MRPL19: variants seen among roughly 807,000 people sequenced by gnomAD.
MRPL19 encodes large ribosomal subunit protein bL19m.
A neutral mutation model predicts 34.0 loss-of-function variants in MRPL19; 31 were observed. That is an observed-to-expected ratio of 0.91 (90% confidence interval 0.68 to 1.23). MRPL19 has a LOEUF of 1.23. Ranked by LOEUF, MRPL19 falls within the 50% of genes most tolerant of loss-of-function variation. The pLI is 0.00. For synonymous variants in MRPL19, 152 were observed against 127.7 expected (o/e 1.19, Z -1.28); for missense variants, 384 against 367.6 (o/e 1.04, Z -0.37).
chr2:75,650,794 A>C (rs558613240), intron 2 of MRPL19, among the ~76,000 whole-genome samples: 1 of 152,214 alleles, frequency 6.6e-6, no homozygotes, highest in Non-Finnish European at 1.5e-5. Flanking sequence ...GAAGAGCACT[A>C]TGAAGCCTCA....
intron 2 of MRPL19, chr2:75,651,614 A>G (rs76236718): frequency 0.014 from 5,506 of 381,264 alleles, 101 homozygotes; most frequent in South Asian, 0.028. Flanking sequence ...CTTCAGCACC[A>G]TCTCCAGGGC....
At position 75,659,968 on chromosome 2, in the gene MRPL19, T is replaced by C. The variant is rs1339794906; in HGVS notation, c.*4683T>C. On this transcript the variant is annotated 3_prime_UTR_variant, in exon 6 of 6. Coordinates refer to ENST00000393909, the MANE Select transcript of MRPL19 (RefSeq NM_014763.4). ...TCTTCAATTTTTTTCACTGCTTCTT[T>C]CTTTTCCTTCTGAAATATTCTTAAT... 6.6e-6 allele frequency among the ~76,000 whole-genome samples: 1 copy of C among 152,178 alleles called. No homozygotes were observed. Among genetic ancestry groups the C allele is most frequent in the Non-Finnish European group, 1.5e-5 (1 of 68,010 alleles).
rs1232846503 is a variant in MRPL19 at position 75,662,192 on chromosome 2, A to C, written c.*6907A>C. On this transcript the variant is annotated 3_prime_UTR_variant, in exon 6 of 6. Coordinates refer to ENST00000393909, the MANE Select transcript of MRPL19 (RefSeq NM_014763.4). ...ACCTTACTTTCCAGGAATAAACCCT[A>C]TTATCTTTTTTATACATTGCTGGAT... 6.6e-6 allele frequency: 1 copy of C among 152,132 alleles called. No individual in the cohort carries two copies. Among genetic ancestry groups the C allele is most frequent in the Non-Finnish European group, 1.5e-5 (1 of 68,012 alleles). The allele number at this position is 152,132 out of a possible 1,614,324, so 9.4% of individuals were successfully genotyped here. A position where few individuals can be genotyped will look rare whatever the true frequency, so the allele number is the denominator to read the frequency against.
rs540077747 is a variant in MRPL19 at position 75,659,902 on chromosome 2, T to A, written c.*4617T>A. Among the ~76,000 whole-genome samples the A allele has an allele frequency of 8.3e-4, 126 of 152,262 alleles. 3 individuals are homozygous for A. The highest frequency in any genetic ancestry group is 8.2e-3 in the Admixed American group (126 of 15,292). On this transcript the variant is annotated 3_prime_UTR_variant, in exon 6 of 6. Transcript: ENST00000393909. ...TGTTGAGTTTCTTGGAGTCATAGAT[T>A]TATGTCTTTTATCAAATTTTGGACA...
In MRPL19 at chr2:75,655,196, T is replaced by A; in HGVS notation, c.790T>A (p.Trp264Arg). 1 of 1,613,646 alleles carries A rather than the reference T, an allele frequency of 6.2e-7. No homozygotes were observed. Among genetic ancestry groups the A allele is most frequent in the Non-Finnish European group, 8.5e-7 (1 of 1,179,764 alleles). Residue 264 changes from tryptophan to arginine, a missense_variant, in exon 6 of 6, where the codon TGG becomes AGG. Trp to Arg is a moderately radical substitution (Grantham distance 101, BLOSUM62 -3). Coordinates refer to ENST00000393909, the MANE Select transcript of MRPL19 (RefSeq NM_014763.4). ...AGAAGCTCAGAAGTGGAATCAGCCATGGCTTGAATTTGATATGATGAGGGA... is the reference window on the plus strand; with the variant it reads ...AGAAGCTCAGAAGTGGAATCAGCCAAGGCTTGAATTTGATATGATGAGGGA... ...MKEAQKWNQP[W>R]LEFDMMREYD...
chr2:75,655,435 T>C lies in MRPL19; in HGVS notation c.*150T>C, dbSNP rs1678427517. ...TAATACTTTTTTTCTAAAATAAAAC[T>C]TGTACACCAGTTTATTACTCTAAAA... is the stretch of plus-strand genomic sequence containing the variant. On this transcript the variant is annotated 3_prime_UTR_variant, in exon 6 of 6. Coordinates refer to ENST00000393909, the MANE Select transcript of MRPL19 (RefSeq NM_014763.4). 3.1e-6 allele frequency: 2 copies of C among 636,264 alleles called. No homozygotes were observed. The highest frequency in any genetic ancestry group is 5.3e-6 in the Non-Finnish European group (2 of 379,622). The allele number at this position is 636,264 out of a possible 1,614,324, so 39.4% of individuals were successfully genotyped here.
intron 2 of MRPL19, among the ~76,000 whole-genome samples, chr2:75,650,468 A>G (rs1251182810): frequency 1.3e-5 from 2 of 152,172 alleles, no homozygotes; most frequent in East Asian, 1.9e-4. Context: ...CACTAACAGG[A>G]TTTCTGTGGA....
Position 75,652,530 on chromosome 2 carries a change from T to C in MRPL19, c.348T>C (p.Ile116=), listed in dbSNP as rs1558720083. ...TCTCTTTTGAATTTGTAGGAAGTAT[T>C]CTTCGTGTTACTACAGCTGACCCAT... ...LHIPEFYVGS[I]LRVTTADPYA... is the part of the protein sequence containing the mutation. The change falls in exon 4 of 6, where the codon ATT becomes ATC. Residue 116 remains isoleucine (I), a synonymous_variant. Transcript: ENST00000393909. The C allele has an allele frequency of 2.5e-6, 4 of 1,610,768 alleles. No homozygotes were observed. The highest frequency in any genetic ancestry group is 1.7e-4 in the Middle Eastern group (1 of 6,060).
chr2:75,655,120 TAATATTA>T lies in MRPL19; in HGVS notation c.717_723del (p.Asn239LysfsTer9). The T allele has an allele frequency of 6.2e-7, 1 of 1,612,500 alleles. No homozygotes were observed. The highest frequency in any genetic ancestry group is 8.5e-7 in the Non-Finnish European group (1 of 1,179,534). On this transcript the variant is annotated frameshift_variant, in exon 6 of 6. Coordinates refer to ENST00000393909, the MANE Select transcript of MRPL19 (RefSeq NM_014763.4). LOFTEE classifies it high-confidence loss of function. ...CTAAACGCTGGGAACGTCCAAATTT[TAATATTA>T]AAGGAATCAGATTTGATCTTTGTTT...
chr2:75,650,115 A>C (rs901961245), intron 2 of MRPL19, among the ~76,000 whole-genome samples: 1 of 152,180 alleles, frequency 6.6e-6, no homozygotes, highest in Non-Finnish European at 1.5e-5. Context: ...GGGAATAATC[A>C]CCAAATTTAG....
chr2:75,646,906 C>T lies in MRPL19; in HGVS notation c.99C>T (p.Ala33=). ...RTLLPPPASI[A]CRVHAGPVRQ... ...TGCTCCCCCCGCCGGCCTCTATCGC[C>T]TGCAGTAAGTGGAGCCGGACTTGCG... The change falls in exon 1 of 6, where the codon GCC becomes GCT. Residue 33 remains alanine, a synonymous_variant. Transcript: ENST00000393909. 6.3e-7 allele frequency: 1 copy of T among 1,591,938 alleles called. No homozygotes were observed. Among genetic ancestry groups the T allele is most frequent in the Non-Finnish European group, 8.6e-7 (1 of 1,169,526 alleles).
chr2:75,655,030 CTT>C (rs35367062), intron 5 of MRPL19, 32 bp from the exon 6 acceptor site: 172,101 of 1,116,604 alleles, frequency 0.15, 375 homozygotes, highest in Non-Finnish European at 0.16. Flanking sequence ...CTAATTATTG[CTT>C]TTTTTTTTTT....
chr2:75,655,125 T>C lies in MRPL19; in HGVS notation c.719T>C (p.Ile240Thr), dbSNP rs1678417874. ...SKRWERPNFN[I>T]KGIRFDLCLT... The stretch of plus-strand genomic sequence containing the variant: ...CGCTGGGAACGTCCAAATTTTAATA[T>C]TAAAGGAATCAGATTTGATCTTTGT... The change falls in exon 6 of 6, where the codon ATT becomes ACT. Residue 240 changes from isoleucine (I) to threonine (T), a missense_variant. Coordinates refer to ENST00000393909, the MANE Select transcript of MRPL19 (RefSeq NM_014763.4). 2.5e-6 allele frequency: 4 copies of C among 1,612,790 alleles called. No individual in the cohort carries two copies. The highest frequency in any genetic ancestry group is 3.4e-6 in the Non-Finnish European group (4 of 1,179,564).
intron 2 of MRPL19, among the ~76,000 whole-genome samples, chr2:75,648,058 C>CT (rs1416067915): frequency 1.1e-4 from 17 of 150,778 alleles, no homozygotes; most frequent in African/African-American, 4.1e-4. Context: ...TTTTTCTTTT[C>CT]TTTTTTTAAC....
rs1454680855 is a variant in MRPL19 at position 75,647,181 on chromosome 2, C to A, written c.183C>A (p.Val61=). Reference sequence around the variant, plus strand: ...CGTTCCAACCGCCGCCGAAACCGGTCATCGTGGACAAGCACCGCCCCGTGG... The same window carrying A: ...CGTTCCAACCGCCGCCGAAACCGGTAATCGTGGACAAGCACCGCCCCGTGG... The part of the protein sequence containing the change: ...PGAFQPPPKP[V]IVDKHRPVEP... The change falls in exon 2 of 6, where the codon GTC becomes GTA. Residue 61 remains valine (V), a synonymous_variant. Coordinates refer to ENST00000393909, the MANE Select transcript of MRPL19 (RefSeq NM_014763.4). The A allele has an allele frequency of 6.3e-7, 1 of 1,580,894 alleles. No homozygotes were observed. The highest frequency in any genetic ancestry group is 1.2e-5 in the South Asian group (1 of 86,264).
In MRPL19 at chr2:75,655,879, C is replaced by G. The variant is rs953140433; in HGVS notation, c.*594C>G. On this transcript the variant is annotated 3_prime_UTR_variant, in exon 6 of 6. Coordinates refer to ENST00000393909, the MANE Select transcript of MRPL19 (RefSeq NM_014763.4). ...AACAATATATTTAATTTTGAAAAAC[C>G]TGAAAAAAAAAACCTGTTAGCAAGT... 25 of 110,696 alleles carry G rather than the reference C, an allele frequency of 2.3e-4. 1 individual carries two copies. Among genetic ancestry groups the G allele is most frequent in the African/African-American group, 1.2e-3 (25 of 21,274 alleles). 6.9% of individuals were successfully genotyped at this position (110,696 alleles called of 1,614,324 possible).
chr2:75,646,874 A>G lies in MRPL19; in HGVS notation c.67A>G (p.Arg23Gly). 1.3e-6 allele frequency: 2 copies of G among 1,597,020 alleles called. No homozygotes were observed. Among genetic ancestry groups the G allele is most frequent in the Non-Finnish European group, 8.5e-7 (1 of 1,172,462 alleles). The change falls in exon 1 of 6, where the codon AGG (arginine) becomes GGG (glycine). Residue 23 changes from arginine to glycine, a missense_variant. Arg to Gly is a moderately radical substitution (Grantham distance 125). Transcript: ENST00000393909. ...MGLGRSFQAA[R>G]TLLPPPASIA... is the part of the protein sequence containing the mutation. ...CCTAGGCCGGAGTTTCCAAGCCGCCAGGACTCTGCTCCCCCCGCCGGCCTC... is the reference window on the plus strand; with the variant it reads ...CCTAGGCCGGAGTTTCCAAGCCGCCGGGACTCTGCTCCCCCCGCCGGCCTC...
At chr2:75,653,771 A>G (rs1187963987) in intron 4 of MRPL19, among the ~76,000 whole-genome samples, 1 of 152,218 alleles carries the variant, frequency 6.6e-6, no homozygotes, top group Non-Finnish European at 1.5e-5. Flanking sequence ...TTACCAGCAT[A>G]AGTTGAAAGC....
Position 75,658,664 on chromosome 2 carries a change from T to G in MRPL19, c.*3379T>G, listed in dbSNP as rs1354108133. Among the ~76,000 whole-genome samples the G allele has an allele frequency of 6.6e-6, 1 of 152,130 alleles. No homozygotes were observed. The highest frequency in any genetic ancestry group is 1.9e-4 in the East Asian group (1 of 5,200). ...ATTTCCAAGTTCATTCCATTGTGAT[T>G]AGAGAAGATACTTAGTATGATTTTA... is the stretch of plus-strand genomic sequence containing the variant. On this transcript the variant is annotated 3_prime_UTR_variant, in exon 6 of 6. Transcript: ENST00000393909.
Sources: gnomAD v4.1 joint callset for allele counts (sites outside exome capture counted in the v4.1 genomes callset) on GRCh38, gnomAD v4.1.1 for gene constraint, MANE v1.5 for transcripts, NCBI Gene and HGNC (gene_info 2026-07-23, HGNC 2026-07-21) for gene names.